PTPRD: variants seen among roughly 807,000 people sequenced by gnomAD.
PTPRD encodes receptor-type tyrosine-protein phosphatase delta.
PTPRD carries 34 observed loss-of-function variants against 214.5 expected under a neutral mutation model. That is an observed-to-expected ratio of 0.16 (90% CI 0.12 to 0.21). The LOEUF (loss-of-function observed/expected upper bound fraction) is 0.21, where lower values mean the gene tolerates loss of function less well. Among genes scored for constraint, PTPRD ranks in the 10% least tolerant of loss-of-function variants. PTPRD has a pLI of 1.00. For synonymous variants in PTPRD, 1,128 were observed against 845.7 expected, an observed-to-expected ratio of 1.33 and a Z score of -5.79; for missense variants, 2,545 against 2,398.7, an observed-to-expected ratio of 1.06 and a Z score of -1.27.
intron 35 of PTPRD, among the ~76,000 whole-genome samples, chr9:8,410,901 A>G (rs2093459791): frequency 6.6e-6 from 1 of 152,190 alleles, no homozygotes; most frequent in Admixed American, 6.5e-5. Context: ...TAAATCATTC[A>G]TCCATGGCAA....
At chr9:9,650,208 T>G (rs150444109) in intron 7 of PTPRD, among the ~76,000 whole-genome samples, 1,950 of 152,278 alleles carry the variant, frequency 0.013, 21 homozygotes, top group Non-Finnish European at 0.018. Flanking sequence ...ATGTAAGATG[T>G]GCCTTGCTTC....
At chr9:8,932,454 T>C (rs547798793) in intron 11 of PTPRD, among the ~76,000 whole-genome samples, 75 of 152,314 alleles carry the variant, frequency 4.9e-4, no homozygotes, top group Middle Eastern at 3.4e-3. Context: ...TCAGTTTCCA[T>C]GTAGTTGTGC....
intron 2 of PTPRD, among the ~76,000 whole-genome samples, chr9:10,596,741 G>GT: frequency 6.6e-6 from 1 of 151,620 alleles, no homozygotes; most frequent in East Asian, 1.9e-4. Context: ...AATTTACTTT[G>GT]TCAGGGATAA....
intron 9 of PTPRD, among the ~76,000 whole-genome samples, chr9:9,298,388 CT>C (rs1324345208): frequency 6.6e-6 from 1 of 151,570 alleles, no homozygotes; most frequent in Non-Finnish European, 1.5e-5. Context: ...GATTCATAAC[CT>C]TTTCTTTTTA....
chr9:8,843,423 C>T (rs572027416), intron 11 of PTPRD, among the ~76,000 whole-genome samples: 2 of 152,220 alleles, frequency 1.3e-5, no homozygotes, highest in South Asian at 4.1e-4. Context: ...ACATCTGTAA[C>T]CTTGAAAAGA....
chr9:9,506,290 G>A (rs1274114794), intron 8 of PTPRD, among the ~76,000 whole-genome samples: 2 of 151,356 alleles, frequency 1.3e-5, no homozygotes, highest in Non-Finnish European at 3.0e-5. Context: ...AGGAAATATT[G>A]TACTTAAAAT....
chr9:9,437,421 C>G (rs1281402827), intron 8 of PTPRD, among the ~76,000 whole-genome samples: 2 of 136,426 alleles, frequency 1.5e-5, no homozygotes, highest in African/African-American at 2.8e-5. Flanking sequence ...AATGATGCCC[C>G]CTGAGAGTAA....
intron 8 of PTPRD, among the ~76,000 whole-genome samples, chr9:9,467,252 C>T (rs1397304510): frequency 2.3e-5 from 3 of 132,438 alleles, no homozygotes; most frequent in Non-Finnish European, 4.8e-5. Context: ...TAATGCTTCC[C>T]AGTTTTTTTT....
chr9:8,595,246 A>T (rs1045105739), intron 14 of PTPRD, among the ~76,000 whole-genome samples: 3 of 151,770 alleles, frequency 2.0e-5, no homozygotes, highest in African/African-American at 7.3e-5. Flanking sequence ...GCAGACAACC[A>T]AACTATGGCA....
At chr9:9,600,535 C>T (rs1002768870) in intron 7 of PTPRD, among the ~76,000 whole-genome samples, 2 of 151,934 alleles carry the variant, frequency 1.3e-5, no homozygotes, top group African/African-American at 4.8e-5. Context: ...AAGTGTCTTA[C>T]GAGGTGTGTG....
intron 14 of PTPRD, among the ~76,000 whole-genome samples, chr9:8,625,372 G>A (rs1297511707): frequency 6.6e-6 from 1 of 151,746 alleles, no homozygotes; most frequent in Non-Finnish European, 1.5e-5. Context: ...TGACAGATCT[G>A]CAGTTACCCA....
intron 9 of PTPRD, among the ~76,000 whole-genome samples, chr9:9,383,489 C>G (rs1461267100): frequency 6.6e-6 from 1 of 152,080 alleles, no homozygotes; most frequent in Non-Finnish European, 1.5e-5. Flanking sequence ...ATATCACCAA[C>G]TTGCTCTTCA....
chr9:8,673,243 C>G (rs1159363675), intron 12 of PTPRD, among the ~76,000 whole-genome samples: 1 of 152,010 alleles, frequency 6.6e-6, no homozygotes, highest in African/African-American at 2.4e-5. Context: ...TAAAGGTTAA[C>G]TGAAACGTAA....
chr9:8,467,208 G>A (rs533446772), intron 31 of PTPRD, among the ~76,000 whole-genome samples: 6 of 151,824 alleles, frequency 4.0e-5, no homozygotes, highest in South Asian at 2.1e-4. Flanking sequence ...GGAAAACCAC[G>A]GTAGATTGGG....
At chr9:9,932,864 C>A (rs1381671479) in intron 5 of PTPRD, among the ~76,000 whole-genome samples, 2 of 130,590 alleles carry the variant, frequency 1.5e-5, no homozygotes, top group East Asian at 2.8e-4. Flanking sequence ...GCCCATCAGA[C>A]TAACAGCAGA....
intron 5 of PTPRD, among the ~76,000 whole-genome samples, chr9:9,829,761 A>T (rs774112977): frequency 1.8e-4 from 27 of 151,942 alleles, no homozygotes; most frequent in Admixed American, 2.6e-4. Flanking sequence ...GGCAGACAAT[A>T]GACTTGGAAA....
intron 3 of PTPRD, among the ~76,000 whole-genome samples, chr9:10,225,927 T>G (rs1173772498): frequency 6.6e-6 from 1 of 152,026 alleles, no homozygotes; most frequent in Non-Finnish European, 1.5e-5. Context: ...GAATAACAAC[T>G]TTATTGAGAA....
rs528855197 is a variant in PTPRD at position 8,930,601 on chromosome 9, T to C, written c.-104+88096A>G. On this transcript the variant is annotated intron_variant, in intron 11 of 45. Coordinates refer to ENST00000381196, the MANE Select transcript of PTPRD (RefSeq NM_002839.4). ...CAACAGTGTAAAAGTGTTCCTGTTT[T>C]CCCACATCCTCTCCAGCACCTGTTG... 1.3e-3 allele frequency among the ~76,000 whole-genome samples: 205 copies of C among 152,028 alleles called. 1 individual carries two copies. Among genetic ancestry groups the C allele is most frequent in the African/African-American group, 4.8e-3 (197 of 41,336 alleles).
intron 31 of PTPRD, among the ~76,000 whole-genome samples, chr9:8,469,235 T>G (rs1222115340): frequency 6.6e-6 from 1 of 151,998 alleles, no homozygotes; most frequent in African/African-American, 2.4e-5. Context: ...CTTTAATCCA[T>G]TAGTGTTGCT....
Sources: allele counts gnomAD v4.1 joint callset (sites outside exome capture counted in the v4.1 genomes callset), GRCh38; gene constraint gnomAD v4.1.1; transcripts MANE v1.5; gene names NCBI Gene and HGNC (gene_info 2026-07-23, HGNC 2026-07-21).